ZMIZ2: variants seen among roughly 807,000 people sequenced by gnomAD.
The protein encoded by ZMIZ2 is zinc finger MIZ-type containing 2.
Under a neutral mutation model 93.9 loss-of-function variants are expected in ZMIZ2, and 26 were observed. That is an observed-to-expected ratio of 0.28 (90% CI 0.20 to 0.38). ZMIZ2 has a LOEUF of 0.38. Ranked by LOEUF, ZMIZ2 falls within the 10% of genes least tolerant of loss-of-function variation. ZMIZ2 has a pLI of 1.00. For synonymous variants in ZMIZ2, 485 were observed against 516.4 expected, an observed-to-expected ratio of 0.94 and a Z score of 0.82; for missense variants, 1,023 against 1,235.0, an observed-to-expected ratio of 0.83 and a Z score of 2.57.
In ZMIZ2 at chr7:44,751,271, C is replaced by T. The variant is rs138929718; in HGVS notation, c.-63+2280C>T. Reference sequence around the variant, plus strand: ...ATTTCCTAGATCTGAGGTTCTCAAACTACAGTTCCTGGACCAGCAGCAGCA... The same window carrying T: ...ATTTCCTAGATCTGAGGTTCTCAAATTACAGTTCCTGGACCAGCAGCAGCA... On this transcript the variant is annotated intron_variant, in intron 1 of 18. Coordinates refer to ENST00000309315, the MANE Select transcript of ZMIZ2 (RefSeq NM_031449.4). Among the ~76,000 whole-genome samples, 20 of 152,380 alleles carry T rather than the reference C, an allele frequency of 1.3e-4. No homozygotes were observed. In the East Asian group the frequency reaches 3.7e-3, roughly 28 times the overall value.
At chr7:44,757,684 A>T (rs2116721884) in intron 5 of ZMIZ2, 123 bp downstream of exon 5, 1 of 1,453,514 alleles carries the variant, frequency 6.9e-7, no homozygotes, top group Non-Finnish European at 9.1e-7. Flanking sequence ...GAAGCCAGTA[A>T]AAGAGAGATG....
chr7:44,759,981 C>G, intron 7 of ZMIZ2, 170 bp from the exon 8 acceptor site: 1 of 721,654 alleles, frequency 1.4e-6, no homozygotes, highest in East Asian at 2.8e-5. Flanking sequence ...CCTGTTTGAT[C>G]ATTTTCCTCT....
At chr7:44,757,221 C>T (rs1790679299) in intron 4 of ZMIZ2, 72 bp downstream of exon 4, 2 of 1,519,066 alleles carry the variant, frequency 1.3e-6, no homozygotes, top group Non-Finnish European at 8.7e-7. Context: ...AACTGTGGCG[C>T]TGATCAGCTG....
Position 44,761,317 on chromosome 7 carries a change from G to A in ZMIZ2, c.1241-132G>A. ...GCACCACTCAGGCCTGCCAAGCAGT[G>A]CCTGACAGGAGGGGCTCCCTTCACC... On this transcript the variant is annotated intron_variant, in intron 9 of 18. Coordinates refer to ENST00000309315, the MANE Select transcript of ZMIZ2 (RefSeq NM_031449.4). This position sits in a 1 kb window ranked among gnomAD's most constrained non-coding sequence, Gnocchi z 5.8. The A allele has an allele frequency of 1.4e-6, 2 of 1,427,638 alleles. No homozygotes were observed. The highest frequency in any genetic ancestry group is 1.4e-5 in the African/African-American group (1 of 70,510). The allele number at this position is 1,427,638 out of a possible 1,614,324, so 88.4% of individuals were successfully genotyped here.
intron 1 of ZMIZ2, among the ~76,000 whole-genome samples, chr7:44,749,200 G>A (rs1789911847): frequency 1.3e-5 from 2 of 152,130 alleles, no homozygotes; most frequent in South Asian, 2.1e-4. Context: ...CCCACCTGCC[G>A]GCACCTGCCA....
chr7:44,767,465 G>A (rs750734421), intron 18 of ZMIZ2, 51 bp from the exon 19 acceptor site: 6 of 1,438,878 alleles, frequency 4.2e-6, no homozygotes, highest in Non-Finnish European at 5.9e-6. Flanking sequence ...GGTCACTCAG[G>A]TGTGGCCAGT....
chr7:44,755,420 G>A (rs977592037), intron 1 of ZMIZ2, among the ~76,000 whole-genome samples: 2 of 152,142 alleles, frequency 1.3e-5, no homozygotes, highest in African/African-American at 4.8e-5. Flanking sequence ...ATCAGCCTCG[G>A]GCAGCCCCCA....
chr7:44,766,179 G>T lies in ZMIZ2; in HGVS notation c.2258G>T (p.Gly753Val). ...DYPGQGSSFL[G>V]PGTFPESFPP... ...CCTCTCACAGGTTCCAGCTTCCTGGGGCCTGGAACTTTCCCTGAGTCCTTC... is the reference window on the plus strand; with the variant it reads ...CCTCTCACAGGTTCCAGCTTCCTGGTGCCTGGAACTTTCCCTGAGTCCTTC... Residue 753 changes from glycine to valine, a missense_variant, in exon 17 of 19, where the codon GGG becomes GTG. Gly to Val is a moderately radical substitution (Grantham distance 109). This residue lies in a region of ZMIZ2 where 319 missense variants were observed against 358.8 expected (regional missense o/e 0.89). Coordinates refer to ENST00000309315, the MANE Select transcript of ZMIZ2 (RefSeq NM_031449.4). This position sits in a 1 kb window ranked among gnomAD's most constrained non-coding sequence, Gnocchi z 4.4. The T allele has an allele frequency of 6.2e-7, 1 of 1,612,038 alleles. No individual in the cohort carries two copies.
intron 6 of ZMIZ2, 75 bp downstream of exon 6, chr7:44,758,183 A>G: frequency 6.9e-7 from 1 of 1,449,582 alleles, no homozygotes; most frequent in Non-Finnish European, 9.1e-7. Flanking sequence ...GAGCTGTGGT[A>G]AAGAGCAGGC....
intron 3 of ZMIZ2, 118 bp downstream of exon 3, chr7:44,756,657 C>A: frequency 8.7e-7 from 1 of 1,144,744 alleles, no homozygotes; most frequent in Non-Finnish European, 1.3e-6. Context: ...GACAGAGAGG[C>A]TGAGGCATGA....
Position 44,765,188 on chromosome 7 carries a change from C to A in ZMIZ2, c.1998-147C>A. The A allele has an allele frequency of 6.8e-7, 1 of 1,476,462 alleles. No individual in the cohort carries two copies. The highest frequency in any genetic ancestry group is 1.3e-5 in the South Asian group (1 of 78,186). The allele number at this position is 1,476,462 out of a possible 1,614,324, so 91.5% of individuals were successfully genotyped here. A position where few individuals can be genotyped will look rare whatever the true frequency, so the allele number is the denominator to read the frequency against. ...ACCTGAGTGTTGGTGCTGGGCCCAGCGTCCTGCTCGATGTGGAAGGTGCTG... is the reference window on the plus strand; with the variant it reads ...ACCTGAGTGTTGGTGCTGGGCCCAGAGTCCTGCTCGATGTGGAAGGTGCTG... On this transcript the variant is annotated intron_variant, in intron 15 of 18. Transcript: ENST00000309315. The surrounding 1 kb of genome is among the most constrained non-coding windows in gnomAD (Gnocchi z 4.1).
At position 44,765,824 on chromosome 7, in the gene ZMIZ2, C is replaced by A. The variant is rs1037930024; in HGVS notation, c.2242+245C>A. ...AGTGGGGCCTCCACCCTTCCTTCCCCGTTTGGATTAAGGGGCTCCTGGCTG... is the reference window on the plus strand; with the variant it reads ...AGTGGGGCCTCCACCCTTCCTTCCCAGTTTGGATTAAGGGGCTCCTGGCTG... On this transcript the variant is annotated intron_variant, in intron 16 of 18. Transcript: ENST00000309315. This position sits in a 1 kb window ranked among gnomAD's most constrained non-coding sequence, Gnocchi z 4.1. 1.9e-6 allele frequency: 2 copies of A among 1,064,572 alleles called. No individual in the cohort carries two copies. Among genetic ancestry groups the A allele is most frequent in the Non-Finnish European group, 2.6e-6 (2 of 766,996 alleles). 65.9% of individuals were successfully genotyped at this position (1,064,572 alleles called of 1,614,324 possible).
chr7:44,762,763 A>G (rs1044549077), intron 11 of ZMIZ2, 118 bp from the exon 12 acceptor site: 19 of 383,512 alleles, frequency 5.0e-5, no homozygotes, highest in African/African-American at 4.2e-4. Flanking sequence ...CCCTGCCCTC[A>G]GCCTTGTCCC....
rs370702673 is a variant in ZMIZ2 at position 44,759,343 on chromosome 7, G to A, written c.876G>A (p.Ala292=). Residue 292 remains alanine (A), a synonymous_variant, in exon 7 of 19, where the codon GCG becomes GCA. Coordinates refer to ENST00000309315, the MANE Select transcript of ZMIZ2 (RefSeq NM_031449.4). ...ATGCACCCAGCACCGCCCAGTTTGC[G>A]CCCAGCCCTGGGCAGCCCCCTGCCC... is the stretch of plus-strand genomic sequence containing the variant. The part of the protein sequence containing the change: ...GQYAPSTAQF[A]PSPGQPPAPS... 119 of 1,604,244 alleles carry A rather than the reference G, an allele frequency of 7.4e-5. No homozygotes were observed. In the Admixed American group the frequency reaches 1.8e-3, roughly 24 times the overall value.
rs1351595228 is a variant in ZMIZ2, at chr7:44,768,662, C to T, written c.*1039C>T. The T allele has an allele frequency of 3.9e-5, 6 of 152,134 alleles. No homozygotes were observed. The highest frequency in any genetic ancestry group is 1.9e-4 in the East Asian group (1 of 5,186). 9.4% of individuals were successfully genotyped at this position (152,134 alleles called of 1,614,324 possible). On this transcript the variant is annotated 3_prime_UTR_variant, in exon 19 of 19. Transcript: ENST00000309315. ...GGGCTGTTGTGTCTCCTGTCTGTGC[C>T]GATCTCTATTAAAGGACTCCCTCTT...
chr7:44,754,099 T>G (rs1433856356), intron 1 of ZMIZ2, among the ~76,000 whole-genome samples: 1 of 152,218 alleles, frequency 6.6e-6, no homozygotes, highest in Admixed American at 6.5e-5. Flanking sequence ...CTAAAATCTG[T>G]GTATGGCTGC....
chr7:44,750,917 GGA>G (rs1790085943), intron 1 of ZMIZ2: 1 of 152,258 alleles, frequency 6.6e-6, no homozygotes. Context: ...CTCAAAGCCA[GGA>G]GATGAGAAGA....
rs758713337 is a variant in ZMIZ2, at chr7:44,763,276, G to A, written c.1723G>A (p.Gly575Ser). 4.3e-6 allele frequency: 7 copies of A among 1,613,808 alleles called. No homozygotes were observed. Among genetic ancestry groups the A allele is most frequent in the African/African-American group, 4.0e-5 (3 of 74,840 alleles). The change falls in exon 13 of 19, where the codon GGC becomes AGC. Residue 575 changes from glycine to serine, a missense_variant. Gly to Ser is a moderately conservative substitution (Grantham distance 56, BLOSUM62 0). This residue lies in a region of ZMIZ2 where 656 missense variants were observed against 777.1 expected (regional missense o/e 0.84). Transcript: ENST00000309315. This position sits in a 1 kb window ranked among gnomAD's most constrained non-coding sequence, Gnocchi z 5.6. Reference protein sequence around the residue: ...ITKIKRNFSSGTIPGTPGPNG... With the variant: ...ITKIKRNFSSSTIPGTPGPNG... Reference sequence around the variant, plus strand: ...GTCAGTAAAGCGGAACTTCAGCAGCGGCACCATCCCTGGCACCCCTGGGCC... The same window carrying A: ...GTCAGTAAAGCGGAACTTCAGCAGCAGCACCATCCCTGGCACCCCTGGGCC...
chr7:44,764,314 T>G (rs575838705), intron 13 of ZMIZ2, 105 bp from the exon 14 acceptor site: 1 of 1,035,370 alleles, frequency 9.7e-7, no homozygotes, highest in Non-Finnish European at 1.5e-6. Context: ...ATCTCAGTTA[T>G]GCATGTAAAT....
Sources: gnomAD v4.1 joint callset for allele counts (sites outside exome capture counted in the v4.1 genomes callset) on GRCh38, gnomAD v4.1.1 for gene constraint, gnomAD v4.1.1 regional missense constraint, Gnocchi (gnomAD v3.1) non-coding constraint, MANE v1.5 for transcripts, NCBI Gene and HGNC (gene_info 2026-07-23, HGNC 2026-07-21) for gene names.